The following PARD3B variants were observed in gnomAD, a reference collection of about 807,000 sequenced individuals.
PARD3B encodes the protein par-3 family cell polarity regulator beta.
In PARD3B, 103 loss-of-function variants were observed where a neutral mutation model predicts 130.2. That is an observed-to-expected ratio of 0.79 (90% confidence interval 0.67 to 0.93). The LOEUF (loss-of-function observed/expected upper bound fraction) is 0.93. PARD3B is among the 40% of genes least tolerant of loss of function. The pLI, the probability that PARD3B is intolerant of heterozygous loss-of-function variation, is 0.00. For missense variants in PARD3B, 1,609 were observed against 1,499.2 expected (o/e 1.07, Z -1.21); for synonymous variants, 583 against 553.2 (o/e 1.05, Z -0.76).
chr2:205,002,232 C>A (rs1029996674), intron 3 of PARD3B, among the ~76,000 whole-genome samples: 1 of 152,156 alleles, frequency 6.6e-6, no homozygotes, highest in Non-Finnish European at 1.5e-5. Flanking sequence ...TCAAACAGCC[C>A]TGTTTCATCC....
Position 204,761,230 on chromosome 2 carries a change from A to G in PARD3B, c.222+74948A>G, listed in dbSNP as rs543457890. On this transcript the variant is annotated intron_variant, in intron 2 of 22. Transcript: ENST00000406610. ...TAGCCAACAGATCAAAATTCTAAAG[A>G]ATTTATTTTAGTGTTTCATCATCTT... Among the ~76,000 whole-genome samples the G allele has an allele frequency of 3.3e-5, 5 of 152,264 alleles. No individual in the cohort carries two copies. The East Asian group carries it at 5.8e-4, about 18-fold the overall frequency.
chr2:204,814,359 T>A (rs1037615669), intron 2 of PARD3B, among the ~76,000 whole-genome samples: 1 of 151,758 alleles, frequency 6.6e-6, no homozygotes, highest in African/African-American at 2.4e-5. Flanking sequence ...ATATATCATG[T>A]ACAATTATAT....
chr2:204,640,221 A>G (rs1055235643), intron 1 of PARD3B, among the ~76,000 whole-genome samples: 4 of 152,162 alleles, frequency 2.6e-5, no homozygotes, highest in African/African-American at 9.7e-5. Flanking sequence ...GCACCACTGC[A>G]TTGCAACCTG....
chr2:205,493,550 ACT>A (rs1369061786), intron 20 of PARD3B, among the ~76,000 whole-genome samples: 2 of 151,804 alleles, frequency 1.3e-5, no homozygotes, highest in African/African-American at 4.8e-5. Flanking sequence ...AAAATTAAAG[ACT>A]CTGTAAAACA....
chr2:204,775,680 GT>G (rs1178565782), intron 2 of PARD3B, among the ~76,000 whole-genome samples: 1 of 152,024 alleles, frequency 6.6e-6, no homozygotes, highest in Non-Finnish European at 1.5e-5. Flanking sequence ...AATCCTCTTT[GT>G]TTACCTCCCC....
At chr2:204,713,394 A>G (rs566233012) in intron 2 of PARD3B, among the ~76,000 whole-genome samples, 1 of 142,226 alleles carries the variant, frequency 7.0e-6, no homozygotes, top group African/African-American at 3.1e-5. Flanking sequence ...AAATAGGTTT[A>G]TTGGGATAAA....
chr2:204,794,388 T>C (rs1280594126), intron 2 of PARD3B, among the ~76,000 whole-genome samples: 1 of 152,220 alleles, frequency 6.6e-6, no homozygotes, highest in Non-Finnish European at 1.5e-5. Flanking sequence ...TAGCGTATGG[T>C]GCTCCATTGT....
At chr2:205,438,277 A>G (rs965020133) in intron 19 of PARD3B, among the ~76,000 whole-genome samples, 1 of 152,184 alleles carries the variant, frequency 6.6e-6, no homozygotes, top group Non-Finnish European at 1.5e-5. Flanking sequence ...TTAATTAATG[A>G]GAAAACCTCT....
chr2:205,223,071 G>A (rs2038328368), intron 15 of PARD3B, among the ~76,000 whole-genome samples: 1 of 152,100 alleles, frequency 6.6e-6, no homozygotes, highest in South Asian at 2.1e-4. Flanking sequence ...GAATATTCTA[G>A]GAAGTACAGG....
chr2:204,797,044 G>A (rs2042398814), intron 2 of PARD3B, among the ~76,000 whole-genome samples: 1 of 151,774 alleles, frequency 6.6e-6, no homozygotes, highest in Non-Finnish European at 1.5e-5. Context: ...GCATGGTGGT[G>A]GGTGCCTGTA....
chr2:204,821,388 A>T (rs923315154), intron 2 of PARD3B, among the ~76,000 whole-genome samples: 1 of 152,150 alleles, frequency 6.6e-6, no homozygotes, highest in Admixed American at 6.5e-5. Flanking sequence ...TGATGAGTTC[A>T]TGTCCTTTGT....
chr2:205,313,221 G>A (rs535064400), intron 18 of PARD3B, among the ~76,000 whole-genome samples: 3 of 152,288 alleles, frequency 2.0e-5, no homozygotes, highest in Admixed American at 1.3e-4. Flanking sequence ...AGCTAAAAGA[G>A]GACCCAGAGA....
chr2:204,886,720 A>G (rs919465377), intron 2 of PARD3B, among the ~76,000 whole-genome samples: 10 of 152,360 alleles, frequency 6.6e-5, no homozygotes, highest in African/African-American at 2.4e-4. Flanking sequence ...CTTCAGTTCT[A>G]ACAGAGCCCC....
intron 2 of PARD3B, among the ~76,000 whole-genome samples, chr2:204,935,565 T>A (rs924212810): frequency 1.3e-5 from 2 of 150,914 alleles, no homozygotes; most frequent in African/African-American, 2.4e-5. Flanking sequence ...GAATGTAAAA[T>A]ATATATATAT....
chr2:205,567,982 A>G (rs571544562), intron 22 of PARD3B, among the ~76,000 whole-genome samples: 157 of 152,198 alleles, frequency 1.0e-3, no homozygotes, highest in Non-Finnish European at 1.7e-3. Context: ...TGAGGTACTT[A>G]ACTTTTGGTC....
At chr2:204,818,495 T>G (rs2043220863) in intron 2 of PARD3B, among the ~76,000 whole-genome samples, 1 of 152,186 alleles carries the variant, frequency 6.6e-6, no homozygotes, top group South Asian at 2.1e-4. Flanking sequence ...TATGTTAGTG[T>G]AGTTTCAGTA....
intron 10 of PARD3B, among the ~76,000 whole-genome samples, chr2:205,127,125 G>A (rs1288415101): frequency 2.6e-5 from 4 of 151,576 alleles, no homozygotes; most frequent in South Asian, 2.1e-4. Context: ...GTGAAACCCC[G>A]TCTCTACTAA....
intron 1 of PARD3B, among the ~76,000 whole-genome samples, chr2:204,612,488 A>C (rs889303047): frequency 2.0e-5 from 3 of 152,212 alleles, no homozygotes; most frequent in Admixed American, 6.5e-5. Context: ...CAAAATTTAC[A>C]AATACATTTC....
intron 4 of PARD3B, among the ~76,000 whole-genome samples, chr2:205,093,018 A>T (rs1227606239): frequency 1.3e-5 from 2 of 152,284 alleles, no homozygotes; most frequent in African/African-American, 4.8e-5. Context: ...ATAAATAAAG[A>T]TTAGCTTTCA....
Sources: gnomAD v4.1 joint callset for allele counts (sites outside exome capture counted in the v4.1 genomes callset) on GRCh38, gnomAD v4.1.1 for gene constraint, MANE v1.5 for transcripts, NCBI Gene and HGNC (gene_info 2026-07-23, HGNC 2026-07-21) for gene names.